Variants in PRUNE2 observed in about 807,000 individuals in gnomAD.
PRUNE2 encodes prune homolog 2 with BCH domain.
PRUNE2 carries 164 observed loss-of-function variants against 252.0 expected under a neutral mutation model. The ratio of observed to expected loss-of-function variants is 0.65; its 90% CI spans 0.57 to 0.74. The LOEUF (loss-of-function observed/expected upper bound fraction) is 0.74. Among genes scored for constraint, PRUNE2 ranks in the 30% least tolerant of loss-of-function variants. PRUNE2 has a pLI of 0.00. For missense variants in PRUNE2, 3,495 were observed against 3,711.0 expected (o/e 0.94, Z 1.51); for synonymous variants, 1,292 against 1,350.2 (o/e 0.96, Z 0.94).
rs1328546887 is a variant in PRUNE2 at position 76,710,021 on chromosome 9, T to A, written c.2253A>T (p.Pro751=). ...GGTTTGTTCCTTGGGGAGATGTATT[T>A]GGCAAAGGTGACTTCTCCATGGGCA... ...QNLPMEKSPL[P]NTSPQGTNHL... is the part of the protein sequence containing the mutation. The change falls in exon 8 of 19, where the codon CCA becomes CCT. Residue 751 remains proline, a synonymous_variant. Transcript: ENST00000376718. 4.3e-6 allele frequency: 7 copies of A among 1,613,854 alleles called. No homozygotes were observed. Among genetic ancestry groups the A allele is most frequent in the Non-Finnish European group, 5.9e-6 (7 of 1,179,836 alleles).
At chr9:76,662,771 A>G (rs1299257114) in intron 9 of PRUNE2, among the ~76,000 whole-genome samples, 1 of 152,218 alleles carries the variant, frequency 6.6e-6, no homozygotes, top group East Asian at 1.9e-4. Context: ...ATTGTTCTTT[A>G]GAAAAATACT....
intron 6 of PRUNE2, among the ~76,000 whole-genome samples, chr9:76,814,295 G>A (rs115230901): frequency 7.9e-5 from 12 of 152,282 alleles, no homozygotes; most frequent in African/African-American, 2.9e-4. Flanking sequence ...CCTGAGGTTA[G>A]GTCACAAGAA....
chr9:76,710,528 T>G lies in PRUNE2; in HGVS notation c.1746A>C (p.Glu582Asp), dbSNP rs1295480076. Residue 582 changes from glutamate to aspartate, a missense_variant, in exon 8 of 19, where the codon GAA becomes GAC. Physicochemically the swap from Glu to Asp is conservative, Grantham distance 45. Coordinates refer to ENST00000376718, the MANE Select transcript of PRUNE2 (RefSeq NM_015225.3). ...CAAAATCTGTCAGGCTCAAATTTCT[T>G]TCAGAGTTATCTCTGGGACTGTCTT... ...QRQDSPRDNS[E>D]RNLSLTDFVG... 1.9e-6 allele frequency: 3 copies of G among 1,613,984 alleles called. No homozygotes were observed. Among genetic ancestry groups the G allele is most frequent in the South Asian group, 2.2e-5 (2 of 91,068 alleles).
intron 6 of PRUNE2, among the ~76,000 whole-genome samples, chr9:76,726,702 C>T (rs1440360204): frequency 6.6e-6 from 1 of 152,170 alleles, no homozygotes; most frequent in Non-Finnish European, 1.5e-5. Flanking sequence ...AGCAGTCAAG[C>T]CTCCTTAATC....
At chr9:76,751,006 G>T (rs1344603127) in intron 6 of PRUNE2, among the ~76,000 whole-genome samples, 1 of 152,146 alleles carries the variant, frequency 6.6e-6, no homozygotes, top group Non-Finnish European at 1.5e-5. Context: ...GGAAAGAAAT[G>T]ATTAATGTTC....
chr9:76,787,804 C>T (rs2055149715), intron 6 of PRUNE2, among the ~76,000 whole-genome samples: 1 of 152,170 alleles, frequency 6.6e-6, no homozygotes, highest in Non-Finnish European at 1.5e-5. Flanking sequence ...TCCCGCCTCC[C>T]ACTGCCCACA....
chr9:76,669,674 C>A (rs923137968), intron 9 of PRUNE2, among the ~76,000 whole-genome samples: 9 of 152,186 alleles, frequency 5.9e-5, no homozygotes, highest in African/African-American at 2.2e-4. Context: ...ACAGTCCAGT[C>A]TAAGCTGACT....
At chr9:76,656,365 A>G (rs980858002) in intron 9 of PRUNE2, among the ~76,000 whole-genome samples, 2 of 152,188 alleles carry the variant, frequency 1.3e-5, no homozygotes, top group Non-Finnish European at 2.9e-5. Context: ...AATTTCATTC[A>G]CCTAGGGTGA....
intron 6 of PRUNE2, among the ~76,000 whole-genome samples, chr9:76,815,138 C>A (rs370417649): frequency 6.6e-6 from 1 of 152,164 alleles, no homozygotes; most frequent in African/African-American, 2.4e-5. Context: ...CATATACCCC[C>A]GCCCCAATCT....
intron 1 of PRUNE2, among the ~76,000 whole-genome samples, chr9:76,905,157 CAA>C (rs1301676221): frequency 6.6e-6 from 1 of 152,050 alleles, no homozygotes; most frequent in South Asian, 2.1e-4. Flanking sequence ...GCTGGAGAGC[CAA>C]AACAGTTTGG....
chr9:76,850,646 AGAACCCCT>A lies in PRUNE2; in HGVS notation c.153_160del (p.Gly52ValfsTer11). 1.2e-6 allele frequency: 2 copies of A among 1,613,888 alleles called. No individual in the cohort carries two copies. Among genetic ancestry groups the A allele is most frequent in the Non-Finnish European group, 1.7e-6 (2 of 1,179,748 alleles). Reference sequence around the variant, plus strand: ...TGGTATGTTCAGCACTGGTAAACACAGAACCCCTGGTGGACTGACCTACCAAGAAAAAA... The same window carrying A: ...TGGTATGTTCAGCACTGGTAAACACAGGTGGACTGACCTACCAAGAAAAAA... On this transcript the variant is annotated frameshift_variant, in exon 3 of 19. Transcript: ENST00000376718. LOFTEE classifies it high-confidence loss of function.
At chr9:76,841,830 T>A (rs2059407663) in intron 4 of PRUNE2, among the ~76,000 whole-genome samples, 1 of 152,102 alleles carries the variant, frequency 6.6e-6, no homozygotes, top group Non-Finnish European at 1.5e-5. Flanking sequence ...CCCATCTCCC[T>A]GGGACAGAGC....
chr9:76,755,663 A>G (rs2051075024), intron 6 of PRUNE2, among the ~76,000 whole-genome samples: 1 of 152,104 alleles, frequency 6.6e-6, no homozygotes, highest in Non-Finnish European at 1.5e-5. Flanking sequence ...ATTTCTCACA[A>G]GCTTCCAGGT....
At chr9:76,666,140 C>G (rs1199704724) in intron 9 of PRUNE2, among the ~76,000 whole-genome samples, 1 of 152,248 alleles carries the variant, frequency 6.6e-6, no homozygotes, top group East Asian at 1.9e-4. Context: ...GACAGGGCCA[C>G]CAGAGGGCTC....
chr9:76,735,691 A>T (rs2049015910), intron 6 of PRUNE2, among the ~76,000 whole-genome samples: 1 of 152,232 alleles, frequency 6.6e-6, no homozygotes, highest in Admixed American at 6.5e-5. Context: ...AACAATACTT[A>T]AAGAGAAAGT....
At chr9:76,822,762 G>A (rs1428494884) in intron 6 of PRUNE2, among the ~76,000 whole-genome samples, 1 of 151,988 alleles carries the variant, frequency 6.6e-6, no homozygotes, top group South Asian at 2.1e-4. Context: ...AGCTGAGATG[G>A]TGCCACTGCA....
intron 6 of PRUNE2, among the ~76,000 whole-genome samples, chr9:76,754,082 TTAA>T (rs1460980600): frequency 2.6e-5 from 4 of 152,128 alleles, no homozygotes; most frequent in African/African-American, 7.2e-5. Context: ...GTTTTATGAC[TTAA>T]TAATCTGGAA....
intron 1 of PRUNE2, among the ~76,000 whole-genome samples, chr9:76,874,845 G>A (rs570606995): frequency 9.9e-5 from 15 of 152,278 alleles, no homozygotes; most frequent in African/African-American, 3.6e-4. Flanking sequence ...GAGATCAAAA[G>A]TGGGCTGAGG....
chr9:76,736,016 C>G (rs2049039966), intron 6 of PRUNE2, among the ~76,000 whole-genome samples: 1 of 152,114 alleles, frequency 6.6e-6, no homozygotes, highest in Non-Finnish European at 1.5e-5. Flanking sequence ...TTTCACATAA[C>G]ATTATCTTTT....
Sources: gnomAD v4.1 joint callset for allele counts (sites outside exome capture counted in the v4.1 genomes callset) on GRCh38, gnomAD v4.1.1 for gene constraint, MANE v1.5 for transcripts, NCBI Gene and HGNC (gene_info 2026-07-23, HGNC 2026-07-21) for gene names.